AAMDC: variants seen among roughly 807,000 people sequenced by gnomAD.
AAMDC encodes the protein adipogenesis associated Mth938 domain containing.
A neutral mutation model predicts 15.5 loss-of-function variants in AAMDC; 16 were observed. The observed-to-expected ratio is 1.03, with a 90% CI of 0.70 to 1.57. The LOEUF (loss-of-function observed/expected upper bound fraction) is 1.57. Ranked by LOEUF, AAMDC falls within the 40% of genes most tolerant of loss-of-function variation. AAMDC has a pLI of 0.00. For synonymous variants in AAMDC, 51 were observed against 51.6 expected, an observed-to-expected ratio of 0.99 and a Z score of 0.05; for missense variants, 141 against 144.9, an observed-to-expected ratio of 0.97 and a Z score of 0.14.
intron 5 of AAMDC, among the ~76,000 whole-genome samples, chr11:77,892,333 C>T (rs2136397244): frequency 1.3e-5 from 2 of 152,248 alleles, no homozygotes; most frequent in Middle Eastern, 6.8e-3. Flanking sequence ...TACGTTACTC[C>T]TGGCTCAGAC....
At chr11:77,858,838 C>A (rs546647840) in intron 2 of AAMDC, among the ~76,000 whole-genome samples, 2 of 152,236 alleles carry the variant, frequency 1.3e-5, no homozygotes, top group South Asian at 4.2e-4. Context: ...TCGGGGACTC[C>A]ATTTGAAGAA....
At chr11:77,876,015 G>A (rs1002410677), downstream of AAMDC, among the ~76,000 whole-genome samples, 1 of 152,188 alleles carries the variant, frequency 6.6e-6, no homozygotes, top group Non-Finnish European at 1.5e-5. Flanking sequence ...GAAAGGGACT[G>A]AGCAGGGGAA....
intron 2 of AAMDC, among the ~76,000 whole-genome samples, chr11:77,845,815 T>C (rs1226766321): frequency 4.6e-5 from 7 of 152,206 alleles, no homozygotes; most frequent in African/African-American, 1.7e-4. Context: ...TTTCCTTTAG[T>C]TCTTTTGAAC....
intron 5 of AAMDC, chr11:77,879,124 G>A: frequency 6.2e-7 from 1 of 1,613,468 alleles, no homozygotes; most frequent in Non-Finnish European, 8.5e-7. Context: ...CACCTGGCAT[G>A]CCTCTGAAAA....
rs1350801607 is a variant in AAMDC at position 77,825,672 on chromosome 11, G to A, written c.-19+4431G>A. 2.6e-5 allele frequency among the ~76,000 whole-genome samples: 4 copies of A among 151,654 alleles called. No homozygotes were observed. The East Asian group carries it at 7.7e-4, about 29-fold the overall frequency. ...CTATTCATTGAAGAAGACACCTTTA[G>A]AAGTGTCTTACTACCCATTTTTTTT... On this transcript the variant is annotated intron_variant, in intron 1 of 3. Coordinates refer to ENST00000393427, the MANE Select transcript of AAMDC (RefSeq NM_024684.4).
At chr11:77,869,093 A>G in intron 2 of AAMDC, 1 of 286,448 alleles carries the variant, frequency 3.5e-6, no homozygotes, top group Non-Finnish European at 6.7e-6. Flanking sequence ...CCTGTCTCAT[A>G]GATTCACATG....
intron 1 of AAMDC, among the ~76,000 whole-genome samples, chr11:77,827,358 A>G (rs939315545): frequency 1.3e-5 from 2 of 152,238 alleles, no homozygotes; most frequent in Admixed American, 1.3e-4. Flanking sequence ...CCAATACCTC[A>G]TGTGAATCTA....
intron 1 of AAMDC, among the ~76,000 whole-genome samples, chr11:77,837,517 C>CG (rs1185978165): frequency 6.6e-6 from 1 of 152,022 alleles, no homozygotes; most frequent in East Asian, 1.9e-4. Flanking sequence ...TGCAGTGGTG[C>CG]GATCTTGGCT....
chr11:77,830,910 G>A (rs1209866899), intron 1 of AAMDC, among the ~76,000 whole-genome samples: 1 of 151,084 alleles, frequency 6.6e-6, no homozygotes, highest in Non-Finnish European at 1.5e-5. Context: ...GGAGACTGAG[G>A]TGGGAGAATT....
intron 2 of AAMDC, among the ~76,000 whole-genome samples, chr11:77,866,138 T>C (rs1006804084): frequency 1.3e-5 from 2 of 151,988 alleles, no homozygotes; most frequent in South Asian, 2.1e-4. Context: ...TTTGGAAGAG[T>C]AGTTTAGGAA....
chr11:77,886,502 T>A (rs1477462633), intron 5 of AAMDC, among the ~76,000 whole-genome samples: 2 of 152,212 alleles, frequency 1.3e-5, no homozygotes, highest in African/African-American at 4.8e-5. Context: ...GTGAAGAAAT[T>A]CAATGAAGCA....
chr11:77,827,886 A>G (rs1949251286), intron 1 of AAMDC, among the ~76,000 whole-genome samples: 1 of 152,210 alleles, frequency 6.6e-6, no homozygotes, highest in Admixed American at 6.6e-5. Context: ...CCACAAATAA[A>G]GCTATTAGAA....
chr11:77,903,656 G>A (rs780519295), downstream of AAMDC: 3 of 1,544,916 alleles, frequency 1.9e-6, no homozygotes, highest in Admixed American at 3.5e-5. Flanking sequence ...AGAATACCGA[G>A]GTCACAAAGA....
At chr11:77,845,020 T>C (rs1950083796) in intron 2 of AAMDC, among the ~76,000 whole-genome samples, 1 of 152,210 alleles carries the variant, frequency 6.6e-6, no homozygotes, top group Admixed American at 6.5e-5. Flanking sequence ...GTTGCTTCTC[T>C]CTAACTGCTT....
chr11:77,893,672 C>G lies in AAMDC; in HGVS notation c.329-6899C>G, dbSNP rs183590276. ...CTTTGGGAGGCCAAGGCAGGCAGAT[C>G]ACTTGAGGTCAGGAGTTAGAGACCA... On this transcript the variant is annotated intron_variant, in intron 5 of 5. Transcript: ENST00000304716. 1.2e-3 allele frequency among the ~76,000 whole-genome samples: 183 copies of G among 152,162 alleles called. 3 individuals carry two copies. The East Asian group carries it at 0.024, about 20-fold the overall frequency.
In AAMDC at chr11:77,844,679, C is replaced by T. The variant is rs1043937009; in HGVS notation, c.132+2051C>T. On this transcript the variant is annotated intron_variant, in intron 2 of 3. Coordinates refer to ENST00000393427, the MANE Select transcript of AAMDC (RefSeq NM_024684.4). ...GCCCAGCCAGATTTTGTTGAATACA[C>T]GTTTATTCATTGGGTATTTGCTCTT... Among the ~76,000 whole-genome samples the T allele has an allele frequency of 1.1e-4, 16 of 152,138 alleles. No homozygotes were observed. The South Asian group carries it at 1.2e-3, about 12-fold the overall frequency.
Position 77,892,235 on chromosome 11 carries a change from C to T in AAMDC, c.329-8336C>T, listed in dbSNP as rs111557755. ...ACACAGTGAACGGAAGAGAAAAAAA[C>T]GATTGCTTCAATGGAGCTTACATTC... On this transcript the variant is annotated intron_variant, in intron 5 of 5. Coordinates refer to the AAMDC transcript ENST00000304716. Among the ~76,000 whole-genome samples the T allele has an allele frequency of 6.5e-3, 989 of 152,228 alleles. 10 individuals carry two copies. Among genetic ancestry groups the T allele is most frequent in the African/African-American group, 0.023 (948 of 41,526 alleles).
intron 5 of AAMDC, among the ~76,000 whole-genome samples, chr11:77,886,816 A>G (rs1952033823): frequency 6.6e-6 from 1 of 152,180 alleles, no homozygotes; most frequent in East Asian, 1.9e-4. Flanking sequence ...GCTCAACTAC[A>G]TGGAAACTGA....
chr11:77,843,730 G>A (rs1448892211), intron 2 of AAMDC, among the ~76,000 whole-genome samples: 1 of 152,080 alleles, frequency 6.6e-6, no homozygotes, highest in Non-Finnish European at 1.5e-5. Context: ...GCATGGTTCT[G>A]GTCCTTGTAT....
Sources: gnomAD v4.1 joint callset for allele counts (sites outside exome capture counted in the v4.1 genomes callset) on GRCh38, gnomAD v4.1.1 for gene constraint, MANE v1.5 for transcripts, NCBI Gene and HGNC (gene_info 2026-07-23, HGNC 2026-07-21) for gene names.